MYO1B: variants seen among roughly 807,000 people sequenced by gnomAD.
The protein encoded by MYO1B is myosin IB.
MYO1B carries 72 observed loss-of-function variants against 159.7 expected under a neutral mutation model. The observed-to-expected ratio is 0.45, with a 90% CI of 0.37 to 0.55. The LOEUF (loss-of-function observed/expected upper bound fraction) is 0.55. Ranked by LOEUF, MYO1B falls within the 20% of genes least tolerant of loss-of-function variation. The probability of loss-of-function intolerance (pLI) is 0.00; values close to 1 mark genes in which losing one functional copy is unlikely to be tolerated. For missense variants in MYO1B, 1,062 were observed against 1,364.8 expected (o/e 0.78, Z 3.50); for synonymous variants, 468 against 473.8 (o/e 0.99, Z 0.16).
chr2:191,331,819 C>T (rs1355584606), intron 4 of MYO1B, among the ~76,000 whole-genome samples: 1 of 152,180 alleles, frequency 6.6e-6, no homozygotes, highest in Non-Finnish European at 1.5e-5. Flanking sequence ...GAGCACATTA[C>T]AGGAAGAATT....
intron 20 of MYO1B, among the ~76,000 whole-genome samples, chr2:191,396,056 A>G (rs1174243666): frequency 6.6e-6 from 1 of 152,226 alleles, no homozygotes; most frequent in Non-Finnish European, 1.5e-5. Flanking sequence ...ATGGTGAGAA[A>G]TGACACCAAG....
chr2:191,386,826 A>G (rs1189786578), intron 16 of MYO1B, among the ~76,000 whole-genome samples: 2 of 152,176 alleles, frequency 1.3e-5, no homozygotes, highest in Non-Finnish European at 2.9e-5. Flanking sequence ...TGCTCAGGAT[A>G]TTTATGAAAG....
chr2:191,291,020 G>A (rs1226968235), intron 2 of MYO1B, among the ~76,000 whole-genome samples: 2 of 152,116 alleles, frequency 1.3e-5, no homozygotes, highest in Non-Finnish European at 2.9e-5. Flanking sequence ...TTTCAAAAAA[G>A]TACTGACCCC....
intron 1 of MYO1B, chr2:191,246,070 A>T (rs545799987): frequency 6.6e-6 from 1 of 151,664 alleles, no homozygotes; most frequent in Non-Finnish European, 1.5e-5. Context: ...CGTCCTGGGG[A>T]GTGGGGTTCA....
At chr2:191,315,975 T>G (rs931862976) in intron 3 of MYO1B, among the ~76,000 whole-genome samples, 1 of 152,230 alleles carries the variant, frequency 6.6e-6, no homozygotes, top group Admixed American at 6.5e-5. Flanking sequence ...CATCTAGGGA[T>G]GAGAACCATA....
intron 7 of MYO1B, among the ~76,000 whole-genome samples, chr2:191,353,085 A>C (rs1209326104): frequency 6.6e-6 from 1 of 152,222 alleles, no homozygotes; most frequent in Non-Finnish European, 1.5e-5. Context: ...TTTCTAAAAG[A>C]GACAAATTAA....
intron 18 of MYO1B, among the ~76,000 whole-genome samples, chr2:191,390,693 G>A (rs1695692816): frequency 6.6e-6 from 1 of 152,186 alleles, no homozygotes; most frequent in South Asian, 2.1e-4. Flanking sequence ...GACTTGTATG[G>A]CAATAATATT....
At chr2:191,387,017 G>T (rs1695437237) in intron 16 of MYO1B, among the ~76,000 whole-genome samples, 1 of 152,132 alleles carries the variant, frequency 6.6e-6, no homozygotes, top group African/African-American at 2.4e-5. Context: ...AATGGTAATA[G>T]AATTTATTTT....
In MYO1B at chr2:191,296,077, A is replaced by G. The variant is rs368290963; in HGVS notation, c.136-34A>G. The G allele has an allele frequency of 3.1e-6, 4 of 1,278,558 alleles. No individual in the cohort carries two copies. In the African/African-American group the frequency reaches 4.4e-5, roughly 14 times the overall value. The allele number at this position is 1,278,558 out of a possible 1,614,324, so 79.2% of individuals were successfully genotyped here. On this transcript the variant is annotated intron_variant, in intron 2 of 30. Transcript: ENST00000392318. ...GACGTTAAAATACATTTTGTGTACT[A>G]ACTAATGGGCATGTTTTGTTCTTTC...
At chr2:191,303,557 A>G (rs1689464773) in intron 3 of MYO1B, among the ~76,000 whole-genome samples, 2 of 152,218 alleles carry the variant, frequency 1.3e-5, no homozygotes, top group East Asian at 1.9e-4. Flanking sequence ...TCTTTCAGGC[A>G]CTGGGATACA....
At chr2:191,270,711 A>G (rs1256846419) in intron 1 of MYO1B, among the ~76,000 whole-genome samples, 3 of 152,228 alleles carry the variant, frequency 2.0e-5, no homozygotes, top group Non-Finnish European at 2.9e-5. Flanking sequence ...TTTTGCCATC[A>G]GGATTTGCTG....
intron 3 of MYO1B, among the ~76,000 whole-genome samples, chr2:191,328,034 G>A (rs1055611631): frequency 2.6e-5 from 4 of 152,088 alleles, no homozygotes; most frequent in African/African-American, 9.7e-5. Context: ...ATGAGAGAGG[G>A]AAGAATGTGA....
intron 30 of MYO1B, among the ~76,000 whole-genome samples, chr2:191,419,279 C>T (rs1012637683): frequency 7.2e-5 from 11 of 151,728 alleles, no homozygotes; most frequent in Admixed American, 2.0e-4. Context: ...AGTGCAGTGG[C>T]GTGATCTCGG....
intron 1 of MYO1B, chr2:191,247,877 G>T: frequency 3.1e-6 from 3 of 963,916 alleles, no homozygotes; most frequent in Non-Finnish European, 2.5e-6. Context: ...CTGGCAACAG[G>T]CTGTATCCCC....
intron 18 of MYO1B, among the ~76,000 whole-genome samples, chr2:191,391,324 C>T (rs1489224351): frequency 6.6e-6 from 1 of 152,290 alleles, no homozygotes. Context: ...TCTCACTGCA[C>T]CTGGCCTTTC....
chr2:191,269,827 A>C (rs542983133), intron 1 of MYO1B, among the ~76,000 whole-genome samples: 1 of 152,298 alleles, frequency 6.6e-6, no homozygotes, highest in Non-Finnish European at 1.5e-5. Flanking sequence ...GGAAGGAAGG[A>C]AGAGACAGGG....
intron 13 of MYO1B, chr2:191,377,681 A>G (rs892058953): frequency 2.0e-5 from 3 of 152,240 alleles, no homozygotes; most frequent in African/African-American, 7.2e-5. Context: ...TGTTAGACCT[A>G]TACAAGTTAG....
intron 4 of MYO1B, among the ~76,000 whole-genome samples, chr2:191,337,156 T>C (rs1428785504): frequency 6.6e-6 from 1 of 152,234 alleles, no homozygotes; most frequent in Non-Finnish European, 1.5e-5. Context: ...TTTAGGTATC[T>C]TAGGCATGAG....
At chr2:191,309,099 A>G (rs1324089883) in intron 3 of MYO1B, among the ~76,000 whole-genome samples, 2 of 152,132 alleles carry the variant, frequency 1.3e-5, no homozygotes, top group African/African-American at 2.4e-5. Context: ...CCTGACCTGC[A>G]GGCGATCCAG....
Sources: allele counts gnomAD v4.1 joint callset (sites outside exome capture counted in the v4.1 genomes callset), GRCh38; gene constraint gnomAD v4.1.1; transcripts MANE v1.5; gene names NCBI Gene and HGNC (gene_info 2026-07-23, HGNC 2026-07-21).